Variants in FHIT observed in about 807,000 individuals in gnomAD.
FHIT encodes fragile histidine triad diadenosine triphosphatase.
In FHIT, 19 loss-of-function variants were observed where a neutral mutation model predicts 17.9. The ratio of observed to expected loss-of-function variants is 1.06; its 90% CI spans 0.74 to 1.56. The LOEUF is 1.56. Among genes scored for constraint, FHIT ranks in the 40% most tolerant of loss-of-function variants. The pLI is 0.00. For synonymous variants in FHIT, 81 were observed against 69.7 expected (o/e 1.16, Z -0.81); for missense variants, 248 against 189.2 (o/e 1.31, Z -1.82).
chr3:60,580,527 T>G (rs1049342505), intron 4 of FHIT, among the ~76,000 whole-genome samples: 1 of 152,088 alleles, frequency 6.6e-6, no homozygotes, highest in African/African-American at 2.4e-5. Flanking sequence ...TCATTTTATC[T>G]GTATGGTTAA....
chr3:60,082,593 C>T (rs1703336343), intron 5 of FHIT, among the ~76,000 whole-genome samples: 1 of 152,148 alleles, frequency 6.6e-6, no homozygotes, highest in Non-Finnish European at 1.5e-5. Flanking sequence ...TTCCCACCAA[C>T]AGTGTATAAG....
intron 3 of FHIT, among the ~76,000 whole-genome samples, chr3:60,938,425 G>A (rs1212008411): frequency 6.6e-6 from 1 of 152,112 alleles, no homozygotes; most frequent in Non-Finnish European, 1.5e-5. Flanking sequence ...CTCATGAGAT[G>A]GACTTCATTA....
At chr3:61,065,836 G>A (rs1443987236) in intron 2 of FHIT, among the ~76,000 whole-genome samples, 2 of 151,926 alleles carry the variant, frequency 1.3e-5, no homozygotes, top group African/African-American at 4.8e-5. Context: ...GTAGTCTAGT[G>A]CTGACATGGC....
In FHIT at chr3:60,516,748, C is replaced by T. The variant is rs1047814702; in HGVS notation, c.103+20112G>A. ...TAGATGAATAAATAAAATGACCTGGCTTTGCAAGAAGCATCTCCGCCAGAG... is the reference window on the plus strand; with the variant it reads ...TAGATGAATAAATAAAATGACCTGGTTTTGCAAGAAGCATCTCCGCCAGAG... On this transcript the variant is annotated intron_variant, in intron 5 of 9. Transcript: ENST00000492590. Among the ~76,000 whole-genome samples, 4 of 152,196 alleles carry T rather than the reference C, an allele frequency of 2.6e-5. No homozygotes were observed. In the East Asian group the frequency reaches 7.7e-4, roughly 29 times the overall value.
chr3:60,065,154 G>GA (rs1435002520), intron 5 of FHIT, among the ~76,000 whole-genome samples: 2 of 152,110 alleles, frequency 1.3e-5, no homozygotes, highest in African/African-American at 4.8e-5. Context: ...AGGAAGTTTG[G>GA]AAAAATGAGA....
At chr3:59,857,969 C>A (rs1702238608) in intron 8 of FHIT, among the ~76,000 whole-genome samples, 1 of 152,158 alleles carries the variant, frequency 6.6e-6, no homozygotes, top group African/African-American at 2.4e-5. Context: ...CTGCCCAGAG[C>A]TTCCAGTTCC....
intron 8 of FHIT, among the ~76,000 whole-genome samples, chr3:59,918,256 C>T (rs1409538845): frequency 6.6e-6 from 1 of 152,106 alleles, no homozygotes; most frequent in African/African-American, 2.4e-5. Context: ...CAAATATTCA[C>T]TGAAGGTCCA....
rs150813002 is a variant in FHIT at position 59,780,950 on chromosome 3, T to G, written c.349-28629A>C. On this transcript the variant is annotated intron_variant, in intron 8 of 9. Transcript: ENST00000492590. ...AGATAAATTATATATCTATTTTGTT[T>G]TCTATGCTAGGCCTCTATGATATAA... Among the ~76,000 whole-genome samples the G allele has an allele frequency of 1.3e-3, 198 of 152,352 alleles. 2 individuals carry two copies. Among genetic ancestry groups the G allele is most frequent in the African/African-American group, 4.4e-3 (182 of 41,586 alleles).
At chr3:60,986,415 A>G (rs559632215) in intron 3 of FHIT, among the ~76,000 whole-genome samples, 93 of 152,312 alleles carry the variant, frequency 6.1e-4, no homozygotes, top group East Asian at 9.6e-4. Context: ...GAATACTGGT[A>G]AATACATCTT....
chr3:59,844,544 G>T (rs937721107), intron 8 of FHIT, among the ~76,000 whole-genome samples: 43 of 151,990 alleles, frequency 2.8e-4, no homozygotes, highest in Admixed American at 2.1e-3. Flanking sequence ...GGCTTGAAAT[G>T]TGGCAGATGC....
chr3:60,807,916 G>C (rs993199632), intron 4 of FHIT, among the ~76,000 whole-genome samples: 1 of 152,182 alleles, frequency 6.6e-6, no homozygotes, highest in Non-Finnish European at 1.5e-5. Context: ...ATAAGATGTC[G>C]ATAAAGACCT....
intron 4 of FHIT, among the ~76,000 whole-genome samples, chr3:60,701,090 A>T (rs2041234329): frequency 6.6e-6 from 1 of 152,010 alleles, no homozygotes. Context: ...TTTATTAGAT[A>T]AACATACATT....
chr3:60,986,855 A>T (rs562068167), intron 3 of FHIT, among the ~76,000 whole-genome samples: 1 of 152,046 alleles, frequency 6.6e-6, no homozygotes, highest in Non-Finnish European at 1.5e-5. Context: ...AATTCTTACC[A>T]TTCTTGTCTT....
At chr3:60,184,617 G>C (rs769469063) in intron 5 of FHIT, among the ~76,000 whole-genome samples, 5 of 152,066 alleles carry the variant, frequency 3.3e-5, no homozygotes, top group Admixed American at 6.5e-5. Flanking sequence ...TTGAAGTATT[G>C]TTTATTCAAT....
chr3:60,195,522 C>T (rs1479375986), intron 5 of FHIT, among the ~76,000 whole-genome samples: 1 of 112,320 alleles, frequency 8.9e-6, no homozygotes, highest in Non-Finnish European at 1.8e-5. Flanking sequence ...TGACCATAAA[C>T]CAATAAGCGG....
At chr3:60,516,931 T>C (rs531575304) in intron 5 of FHIT, among the ~76,000 whole-genome samples, 12 of 152,292 alleles carry the variant, frequency 7.9e-5, no homozygotes, top group Admixed American at 7.8e-4. Flanking sequence ...TTCGACTTCA[T>C]GGGAGCTAAG....
Position 60,171,790 on chromosome 3 carries a change from C to T in FHIT, c.104-157638G>A, listed in dbSNP as rs988577781. Among the ~76,000 whole-genome samples the T allele has an allele frequency of 3.9e-5, 6 of 152,196 alleles. No individual in the cohort carries two copies. The South Asian group carries it at 6.2e-4, about 16-fold the overall frequency. On this transcript the variant is annotated intron_variant, in intron 5 of 9. Coordinates refer to ENST00000492590, the MANE Select transcript of FHIT (RefSeq NM_002012.4). ...GCATCATTACAGTTCACTGTAGCCTCGAACTTCTGGGCTCAAGCAATCCTC... is the reference window on the plus strand; with the variant it reads ...GCATCATTACAGTTCACTGTAGCCTTGAACTTCTGGGCTCAAGCAATCCTC...
chr3:60,709,067 T>C (rs1193416104), intron 4 of FHIT, among the ~76,000 whole-genome samples: 3 of 152,188 alleles, frequency 2.0e-5, no homozygotes, highest in Non-Finnish European at 4.4e-5. Context: ...TCAGGATCCA[T>C]TTCCACTCCT....
At chr3:59,813,072 G>C (rs1700463767) in intron 8 of FHIT, among the ~76,000 whole-genome samples, 1 of 152,098 alleles carries the variant, frequency 6.6e-6, no homozygotes, top group African/African-American at 2.4e-5. Flanking sequence ...ATTAAAAATG[G>C]TAATGTCATT....
Sources: gnomAD v4.1 joint callset for allele counts (sites outside exome capture counted in the v4.1 genomes callset) on GRCh38, gnomAD v4.1.1 for gene constraint, MANE v1.5 for transcripts, NCBI Gene and HGNC (gene_info 2026-07-23, HGNC 2026-07-21) for gene names.